Variants in TAF3 observed in about 807,000 individuals in gnomAD.
TAF3 encodes the protein transcription initiation factor TFIID subunit 3.
Under a neutral mutation model 80.6 loss-of-function variants are expected in TAF3, and 7 were observed. The ratio of observed to expected loss-of-function variants is 0.09; its 90% CI spans 0.05 to 0.16. The LOEUF (loss-of-function observed/expected upper bound fraction) is 0.16, where lower values mean the gene tolerates loss of function less well. Ranked by LOEUF, TAF3 falls within the 10% of genes least tolerant of loss-of-function variation. TAF3 has a pLI of 1.00. For synonymous variants in TAF3, 444 were observed against 446.1 expected, an observed-to-expected ratio of 1.00 and a Z score of 0.06; for missense variants, 921 against 1,140.2, an observed-to-expected ratio of 0.81 and a Z score of 2.77.
chr10:7,986,773 C>G (rs77799172), intron 4 of TAF3, among the ~76,000 whole-genome samples: 2,307 of 152,206 alleles, frequency 0.015, 64 homozygotes, highest in African/African-American at 0.052. Flanking sequence ...TAACTCACCC[C>G]AAGCAAAGAT....
chr10:8,012,963 C>T (rs1832068927), intron 5 of TAF3, among the ~76,000 whole-genome samples: 2 of 152,212 alleles, frequency 1.3e-5, no homozygotes, highest in African/African-American at 4.8e-5. Flanking sequence ...TGAATTAATT[C>T]TTCCAGGTTG....
rs115313955 is a variant in TAF3 at position 7,847,895 on chromosome 10, G to A, written c.409+23335G>A. Among the ~76,000 whole-genome samples the A allele has an allele frequency of 8.5e-3, 1,287 of 152,138 alleles. 19 individuals are homozygous for A. Among genetic ancestry groups the A allele is most frequent in the African/African-American group, 0.029 (1,212 of 41,494 alleles). ...TGATTCTCCTGAGGCTGAGCCTCCCGAGTAGCTGAGACTACAGGCACCCAT... is the reference window on the plus strand; with the variant it reads ...TGATTCTCCTGAGGCTGAGCCTCCCAAGTAGCTGAGACTACAGGCACCCAT... On this transcript the variant is annotated intron_variant, in intron 2 of 6. Coordinates refer to ENST00000344293, the MANE Select transcript of TAF3 (RefSeq NM_031923.4).
intron 4 of TAF3, among the ~76,000 whole-genome samples, chr10:7,985,712 T>G: frequency 6.6e-6 from 1 of 151,986 alleles, no homozygotes; most frequent in East Asian, 1.9e-4. Context: ...CCCTAAGCCC[T>G]TTCAGAAACT....
intron 2 of TAF3, among the ~76,000 whole-genome samples, chr10:7,841,368 G>C (rs966212617): frequency 2.0e-5 from 3 of 152,136 alleles, no homozygotes; most frequent in African/African-American, 7.2e-5. Context: ...TGCTTTCCTA[G>C]AGCTTACAGT....
Position 8,013,814 on chromosome 10 carries a change from C to T in TAF3, c.2652C>T (p.Asp884=), listed in dbSNP as rs376850942. Residue 884 remains aspartate (D), a synonymous_variant, in exon 6 of 7, where the codon GAC becomes GAT. Transcript: ENST00000344293. ...ATGGGAGTCCCATGATTGGGTGTGA[C>T]GACTGCGATGACTGGTACCACTGGT... is the stretch of plus-strand genomic sequence containing the variant. ...PDDGSPMIGC[D]DCDDWYHWPC... 1.7e-5 allele frequency: 28 copies of T among 1,613,948 alleles called. No homozygotes were observed. The highest frequency in any genetic ancestry group is 1.6e-4 in the African/African-American group (12 of 74,890).
chr10:7,998,343 CTTA>C (rs1057080672), intron 4 of TAF3, among the ~76,000 whole-genome samples: 23 of 148,904 alleles, frequency 1.5e-4, no homozygotes, highest in Non-Finnish European at 2.7e-4. Flanking sequence ...GAAGGATTAT[CTTA>C]TTATTACAAA....
intron 4 of TAF3, among the ~76,000 whole-genome samples, chr10:8,006,410 A>T (rs1347890917): frequency 6.6e-6 from 1 of 152,146 alleles, no homozygotes; most frequent in African/African-American, 2.4e-5. Context: ...CAAGGCAAGT[A>T]AATATTTAAC....
At chr10:7,889,005 CT>C (rs765323322) in intron 2 of TAF3, among the ~76,000 whole-genome samples, 1 of 151,780 alleles carries the variant, frequency 6.6e-6, no homozygotes, top group Non-Finnish European at 1.5e-5. Context: ...GGTTGAGGCA[CT>C]TTTTTTTTCT....
intron 4 of TAF3, among the ~76,000 whole-genome samples, chr10:7,991,002 A>T (rs539986713): frequency 6.6e-6 from 1 of 152,340 alleles, no homozygotes; most frequent in South Asian, 2.1e-4. Flanking sequence ...AGATGCCTTC[A>T]ACCCTTTTAA....
intron 2 of TAF3, among the ~76,000 whole-genome samples, chr10:7,934,593 C>T (rs533767200): frequency 6.6e-5 from 10 of 152,156 alleles, no homozygotes; most frequent in African/African-American, 1.9e-4. Flanking sequence ...TACAAGCACC[C>T]GCCACCACGC....
intron 2 of TAF3, among the ~76,000 whole-genome samples, chr10:7,952,620 A>G (rs972833573): frequency 3.3e-5 from 5 of 152,182 alleles, no homozygotes; most frequent in African/African-American, 1.2e-4. Flanking sequence ...TTGCTTATAT[A>G]GCATTTTAGT....
At chr10:7,870,435 C>T (rs1022473417) in intron 2 of TAF3, among the ~76,000 whole-genome samples, 25 of 152,110 alleles carry the variant, frequency 1.6e-4, no homozygotes, top group Admixed American at 1.2e-3. Flanking sequence ...TTCCAGTGGT[C>T]GGTTAGAATA....
At chr10:8,011,285 A>G (rs1360913841) in intron 5 of TAF3, among the ~76,000 whole-genome samples, 3 of 151,582 alleles carry the variant, frequency 2.0e-5, no homozygotes, top group African/African-American at 7.3e-5. Flanking sequence ...AGGTAGTCTC[A>G]CTCTTCTTGT....
At chr10:7,819,230 C>T (rs1314765717) in intron 1 of TAF3, among the ~76,000 whole-genome samples, 1 of 152,042 alleles carries the variant, frequency 6.6e-6, no homozygotes, top group Non-Finnish European at 1.5e-5. Flanking sequence ...CCTCTTTTAC[C>T]TCGGTCCTTT....
intron 4 of TAF3, among the ~76,000 whole-genome samples, chr10:7,999,810 C>G (rs745786239): frequency 4.6e-5 from 7 of 152,142 alleles, no homozygotes; most frequent in Non-Finnish European, 7.3e-5. Context: ...GTTTTCTCTT[C>G]CCCCTCCTTT....
At chr10:7,967,720 C>T (rs183053965) in intron 3 of TAF3, among the ~76,000 whole-genome samples, 1 of 152,280 alleles carries the variant, frequency 6.6e-6, no homozygotes, top group Non-Finnish European at 1.5e-5. Flanking sequence ...AGTACCGTAT[C>T]TGACGCATAA....
chr10:7,873,227 A>G (rs1837283096), intron 2 of TAF3, among the ~76,000 whole-genome samples: 1 of 152,150 alleles, frequency 6.6e-6, no homozygotes, highest in South Asian at 2.1e-4. Flanking sequence ...TATTTTCTTC[A>G]AGATTTTTTT....
chr10:7,976,960 T>C (rs1831679657), intron 3 of TAF3, among the ~76,000 whole-genome samples: 1 of 152,206 alleles, frequency 6.6e-6, no homozygotes, highest in African/African-American at 2.4e-5. Flanking sequence ...ACAATTTTTG[T>C]TTAAAAATTT....
intron 2 of TAF3, among the ~76,000 whole-genome samples, chr10:7,869,277 G>C (rs1837243700): frequency 6.6e-6 from 1 of 151,610 alleles, no homozygotes; most frequent in East Asian, 1.9e-4. Context: ...GTGTGTGTCT[G>C]TGTGTGTGTG....
Sources: allele counts gnomAD v4.1 joint callset (sites outside exome capture counted in the v4.1 genomes callset), GRCh38; gene constraint gnomAD v4.1.1; transcripts MANE v1.5; gene names NCBI Gene and HGNC (gene_info 2026-07-23, HGNC 2026-07-21).